KIF1C: variants seen among roughly 807,000 people sequenced by gnomAD.
KIF1C encodes kinesin-like protein KIF1C.
In KIF1C, 61 loss-of-function variants were observed where a neutral mutation model predicts 126.5. The ratio of observed to expected loss-of-function variants is 0.48; its 90% CI spans 0.39 to 0.60. KIF1C has a LOEUF of 0.60. KIF1C is among the 20% of genes least tolerant of loss of function. KIF1C has a pLI of 0.00. For missense variants in KIF1C, 1,315 were observed against 1,489.2 expected (o/e 0.88, Z 1.93); for synonymous variants, 640 against 580.6 (o/e 1.10, Z -1.47).
chr17:5,014,953 G>A (rs1974941662), intron 18 of KIF1C, 116 bp downstream of exon 18: 1 of 810,618 alleles, frequency 1.2e-6, no homozygotes, highest in Admixed American at 2.3e-5. Context: ...TATAAAGAGG[G>A]GATGTGGCCT....
In KIF1C at chr17:5,025,107, C is replaced by T. The variant is rs1446319118; in HGVS notation, c.*956C>T. Reference sequence around the variant, plus strand: ...GCTGGTCTCGAACTCCTGATGACCTCAAGTGATCCGCCCACCTTGGCCTCC... The same window carrying T: ...GCTGGTCTCGAACTCCTGATGACCTTAAGTGATCCGCCCACCTTGGCCTCC... On this transcript the variant is annotated 3_prime_UTR_variant, in exon 23 of 23. Transcript: ENST00000320785. 6.6e-6 allele frequency: 1 copy of T among 152,198 alleles called. No homozygotes were observed. The highest frequency in any genetic ancestry group is 2.4e-5 in the African/African-American group (1 of 41,428). 9.4% of individuals were successfully genotyped at this position (152,198 alleles called of 1,614,324 possible).
chr17:5,010,075 C>T (rs1210111136), intron 16 of KIF1C, among the ~76,000 whole-genome samples: 8 of 151,988 alleles, frequency 5.3e-5, no homozygotes, highest in Admixed American at 2.6e-4. Context: ...TACAGGCACC[C>T]ACCACCACGC....
Position 5,023,891 on chromosome 17 carries a change from C to G in KIF1C, c.3052C>G (p.Arg1018Gly). 3.9e-6 allele frequency: 6 copies of G among 1,546,480 alleles called. No individual in the cohort carries two copies. The highest frequency in any genetic ancestry group is 3.5e-6 in the Non-Finnish European group (4 of 1,146,218). ...EVTPHPATPA[R>G]RPPSPRRSHH... The stretch of plus-strand genomic sequence containing the variant: ...CACTCCCCATCCAGCCACCCCTGCC[C>G]GCCGGCCTCCGAGTCCCCGAAGGTC... The change falls in exon 23 of 23, where the codon CGC (arginine) becomes GGC (glycine). Residue 1018 changes from arginine to glycine, a missense_variant. Transcript: ENST00000320785. The surrounding 1 kb of genome is among the most constrained non-coding windows in gnomAD (Gnocchi z 4.2).
rs779772092 is a variant in KIF1C at position 5,023,722 on chromosome 17, G to C, written c.2883G>C (p.Gly961=). 238 of 1,542,112 alleles carry C rather than the reference G, an allele frequency of 1.5e-4. No individual in the cohort carries two copies. The highest frequency in any genetic ancestry group is 2.0e-4 in the Non-Finnish European group (232 of 1,146,924). The change falls in exon 23 of 23, where the codon GGG becomes GGC. Residue 961 remains glycine, a synonymous_variant. Coordinates refer to ENST00000320785, the MANE Select transcript of KIF1C (RefSeq NM_006612.6). This position sits in a 1 kb window ranked among gnomAD's most constrained non-coding sequence, Gnocchi z 4.2. ...GLQGSGGRGG[G]LRRPPARFVP... ...AGGGCTCTGGGGGCCGGGGCGGGGG[G>C]CTGCGCAGGCCCCCAGCCCGCTTTG...
In KIF1C at chr17:5,013,692, T is replaced by A. The variant is rs1340812836; in HGVS notation, c.1531T>A (p.Ser511Thr). Residue 511 changes from serine (S) to threonine (T), a missense_variant, in exon 17 of 23, where the codon TCT (serine) becomes ACT (threonine). Physicochemically the swap from Ser to Thr is moderately conservative, Grantham distance 58 (BLOSUM62 1). This residue lies in a region of KIF1C where 874 missense variants were observed against 1,053.2 expected (regional missense o/e 0.83). Coordinates refer to ENST00000320785, the MANE Select transcript of KIF1C (RefSeq NM_006612.6). ...LVNLNEDPLM[S>T]ECLLYHIKDG... is the part of the protein sequence containing the mutation. ...GAACCTGAACGAAGACCCTCTGATG[T>A]CTGAGTGTCTGCTCTACCACATCAA... The A allele has an allele frequency of 6.2e-7, 1 of 1,613,832 alleles. No individual in the cohort carries two copies. The highest frequency in any genetic ancestry group is 1.7e-5 in the Admixed American group (1 of 59,996).
At chr17:5,021,023 G>GA in intron 21 of KIF1C, 145 bp downstream of exon 21, 1 of 677,462 alleles carries the variant, frequency 1.5e-6, no homozygotes, top group Admixed American at 2.5e-5. Context: ...CCAGGAGAGA[G>GA]ATGTGACTAC....
rs1294478376 is a variant in KIF1C at position 5,020,283 on chromosome 17, C to T, written c.1750+204C>T. On this transcript the variant is annotated intron_variant, in intron 19 of 22. Transcript: ENST00000320785. The surrounding 1 kb of genome is among the most constrained non-coding windows in gnomAD (Gnocchi z 5.8). Reference sequence around the variant, plus strand: ...CGCCCCAGGGAACAGGAAGAGGATGCCAAGCTCTTGCAATTCCCTTTGGTT... The same window carrying T: ...CGCCCCAGGGAACAGGAAGAGGATGTCAAGCTCTTGCAATTCCCTTTGGTT... 6.6e-6 allele frequency among the ~76,000 whole-genome samples: 1 copy of T among 152,188 alleles called. No individual in the cohort carries two copies. The highest frequency in any genetic ancestry group is 1.5e-5 in the Non-Finnish European group (1 of 68,030).
intron 13 of KIF1C, 54 bp downstream of exon 13, chr17:5,005,054 C>T: frequency 1.9e-6 from 3 of 1,609,914 alleles, no homozygotes; most frequent in Admixed American, 3.3e-5. Context: ...CACCCCATCC[C>T]TCCTCACTTG....
Position 5,013,704 on chromosome 17 carries a change from C to T in KIF1C, c.1543C>T (p.Leu515Phe), listed in dbSNP as rs750941844. 6.2e-7 allele frequency: 1 copy of T among 1,613,872 alleles called. No individual in the cohort carries two copies. Among genetic ancestry groups the T allele is most frequent in the Non-Finnish European group, 8.5e-7 (1 of 1,179,824 alleles). Residue 515 changes from leucine to phenylalanine, a missense_variant, in exon 17 of 23, where the codon CTC (leucine) becomes TTC (phenylalanine). Leu to Phe is a conservative substitution (Grantham distance 22). Transcript: ENST00000320785. The stretch of plus-strand genomic sequence containing the variant: ...AGACCCTCTGATGTCTGAGTGTCTG[C>T]TCTACCACATCAAAGATGGCGTCAC... ...NEDPLMSECL[L>F]YHIKDGVTRV... is the part of the protein sequence containing the mutation.
chr17:5,016,287 G>C (rs149335074), intron 18 of KIF1C, among the ~76,000 whole-genome samples: 1 of 151,832 alleles, frequency 6.6e-6, no homozygotes, highest in African/African-American at 2.4e-5. Flanking sequence ...ACAGGTGTGC[G>C]CCACCACACC....
chr17:5,016,646 G>A (rs1392089833), intron 18 of KIF1C, among the ~76,000 whole-genome samples: 5 of 150,476 alleles, frequency 3.3e-5, no homozygotes, highest in African/African-American at 1.2e-4. Context: ...GCTCATGCCT[G>A]TAATCTTAGC....
rs763639870 is a variant in KIF1C, at chr17:5,001,376, C to T, written c.338C>T (p.Pro113Leu). Residue 113 changes from proline to leucine, a missense_variant, in exon 5 of 23, where the codon CCA becomes CTA. This residue lies in a region of KIF1C where 874 missense variants were observed against 1,053.2 expected (regional missense o/e 0.83). Coordinates refer to ENST00000320785, the MANE Select transcript of KIF1C (RefSeq NM_006612.6). ...KSYTMMGRQE[P>L]GQQGIVPQLC... is the part of the protein sequence containing the mutation. ...TATACCATGATGGGGCGACAGGAGC[C>T]AGGGCAGCAGGGCATCGTGCCCCAG... The T allele has an allele frequency of 5.6e-6, 9 of 1,613,890 alleles. No homozygotes were observed. Among genetic ancestry groups the T allele is most frequent in the Non-Finnish European group, 3.4e-6 (4 of 1,179,946 alleles).
At chr17:5,003,573 AC>A (rs1334088212) in intron 8 of KIF1C, 38 bp from the exon 9 acceptor site, 1 of 1,478,138 alleles carries the variant, frequency 6.8e-7, no homozygotes, top group Non-Finnish European at 9.3e-7. Flanking sequence ...CCCGTCCCCC[AC>A]CCGCACCTTA....
At position 5,004,917 on chromosome 17, in the gene KIF1C, G is replaced by A. The variant is rs761322983; in HGVS notation, c.1082G>A (p.Arg361Gln). Reference sequence around the variant, plus strand: ...ATCATCAACGAGGACCCTAATGCCCGGCTGATTAGAGAGCTGCAGGAGGAA... The same window carrying A: ...ATCATCAACGAGGACCCTAATGCCCAGCTGATTAGAGAGCTGCAGGAGGAA... ...NAIINEDPNARLIRELQEEVA... is the reference protein window; with the variant it reads ...NAIINEDPNAQLIRELQEEVA... The change falls in exon 13 of 23, where the codon CGG (arginine) becomes CAG (glutamine). Residue 361 changes from arginine to glutamine, a missense_variant. Around this residue, in one of 2 missense-constraint regions of KIF1C, gnomAD observed 874 missense variants for 1,053.2 expected, o/e 0.83. Transcript: ENST00000320785. 5 of 1,614,222 alleles carry A rather than the reference G, an allele frequency of 3.1e-6. No individual in the cohort carries two copies. The highest frequency in any genetic ancestry group is 1.3e-5 in the African/African-American group (1 of 75,058).
intron 18 of KIF1C, 36 bp from the exon 19 acceptor site, chr17:5,019,960 G>T (rs1182172346): frequency 6.5e-7 from 1 of 1,539,030 alleles, no homozygotes; most frequent in Admixed American, 1.8e-5. Context: ...TTCCTCCAGG[G>T]TCTAATCTTT....
intron 16 of KIF1C, among the ~76,000 whole-genome samples, chr17:5,010,232 C>T (rs552791888): frequency 1.3e-5 from 2 of 152,202 alleles, no homozygotes; most frequent in Admixed American, 6.5e-5. Context: ...GGCCTGCATA[C>T]CTTATTTTAA....
intron 16 of KIF1C, among the ~76,000 whole-genome samples, chr17:5,009,266 G>A (rs1260011553): frequency 6.6e-5 from 10 of 151,272 alleles, no homozygotes; most frequent in Admixed American, 5.9e-4. Flanking sequence ...TGCAACCTCC[G>A]CCTCCTGGGT....
At position 5,025,663 on chromosome 17, in the gene KIF1C, TAAA is replaced by T. The variant is rs1026666958; in HGVS notation, c.*1517_*1519del. Reference sequence around the variant, plus strand: ...ACCCCATCTCTACTAAAAATAAAAATAAAAAAATTAGCCGGGCATGGTGGCGGG... The same window carrying T: ...ACCCCATCTCTACTAAAAATAAAAATAAAATTAGCCGGGCATGGTGGCGGG... On this transcript the variant is annotated 3_prime_UTR_variant, in exon 23 of 23. Transcript: ENST00000320785. 6.6e-6 allele frequency: 1 copy of T among 151,754 alleles called. No individual in the cohort carries two copies. The highest frequency in any genetic ancestry group is 1.5e-5 in the Non-Finnish European group (1 of 67,960). 9.4% of individuals were successfully genotyped at this position (151,754 alleles called of 1,614,324 possible). A position where few individuals can be genotyped will look rare whatever the true frequency, so the allele number is the denominator to read the frequency against.
rs756706873 is a variant in KIF1C at position 5,004,635 on chromosome 17, A to G, written c.1009A>G (p.Ser337Gly). The G allele has an allele frequency of 6.2e-7, 1 of 1,614,114 alleles. No individual in the cohort carries two copies. Among genetic ancestry groups the G allele is most frequent in the Admixed American group, 1.7e-5 (1 of 60,020 alleles). The change falls in exon 12 of 23, where the codon AGC becomes GGC. Residue 337 changes from serine to glycine, a missense_variant. Physicochemically the swap from Ser to Gly is moderately conservative, Grantham distance 56. Around this residue, in one of 2 missense-constraint regions of KIF1C, gnomAD observed 874 missense variants for 1,053.2 expected, o/e 0.83. Coordinates refer to ENST00000320785, the MANE Select transcript of KIF1C (RefSeq NM_006612.6). ...TGACATCAATTACGAGGAGACTCTC[A>G]GCACCCTCAGGTGAGGCTTTTGGCT... Reference protein sequence around the residue: ...PADINYEETLSTLRYADRTKQ... With the variant: ...PADINYEETLGTLRYADRTKQ...
Sources: allele counts gnomAD v4.1 joint callset (sites outside exome capture counted in the v4.1 genomes callset), GRCh38; gene constraint gnomAD v4.1.1; regional missense constraint gnomAD v4.1.1; non-coding constraint Gnocchi (gnomAD v3.1); transcripts MANE v1.5; gene names NCBI Gene and HGNC (gene_info 2026-07-23, HGNC 2026-07-21).